CC2D1B: variants seen among roughly 807,000 people sequenced by gnomAD.
CC2D1B encodes the protein coiled-coil and C2 domain containing 1B.
A neutral mutation model predicts 110.8 loss-of-function variants in CC2D1B; 92 were observed. That is an observed-to-expected ratio of 0.83 (90% CI 0.70 to 0.99). The LOEUF (loss-of-function observed/expected upper bound fraction) is 0.99. Among genes scored for constraint, CC2D1B ranks in the 50% least tolerant of loss-of-function variants. CC2D1B has a pLI of 0.00. For missense variants in CC2D1B, 1,136 were observed against 1,089.0 expected (o/e 1.04, Z -0.61); for synonymous variants, 406 against 429.2 (o/e 0.95, Z 0.67).
chr1:52,353,418 T>C, intron 24 of CC2D1B, 100 bp downstream of exon 24: 2 of 1,523,582 alleles, frequency 1.3e-6, no homozygotes, highest in South Asian at 1.3e-5. Flanking sequence ...GTCTTTCTCA[T>C]AGATGAGAAA....
chr1:52,355,440 G>A lies in CC2D1B; in HGVS notation c.2197C>T (p.Gln733Ter). 1 of 1,614,120 alleles carries A rather than the reference G, an allele frequency of 6.2e-7. No homozygotes were observed. Among genetic ancestry groups the A allele is most frequent in the Non-Finnish European group, 8.5e-7 (1 of 1,180,012 alleles). Reference sequence around the variant, plus strand: ...TTCACCACAGCTGTTTTGCTTTTTTGAGCCTGGTCCTAAGCAGTGAGGAGG... The same window carrying A: ...TTCACCACAGCTGTTTTGCTTTTTTAAGCCTGGTCCTAAGCAGTGAGGAGG... ...EFHYPNSDQAQKSKTAVVKNT... is the reference protein window; with the variant it reads ...EFHYPNSDQA The change falls in exon 21 of 25, where the codon CAA becomes TAA. Residue 733 changes from glutamine (Q) to a stop codon, truncating the protein, a stop_gained. Coordinates refer to ENST00000284376, the MANE Select transcript of CC2D1B (RefSeq NM_001330585.2). LOFTEE classifies it high-confidence loss of function.
chr1:52,358,664 C>A (rs1264726887), intron 12 of CC2D1B, 22 bp downstream of exon 12: 1 of 1,611,486 alleles, frequency 6.2e-7, no homozygotes, highest in South Asian at 1.1e-5. Context: ...CTCACAGAGC[C>A]CCTAGGCCAT....
At chr1:52,360,382 C>T (rs1187232019) in intron 6 of CC2D1B, 42 bp downstream of exon 6, 5 of 1,604,314 alleles carry the variant, frequency 3.1e-6, no homozygotes, top group Non-Finnish European at 3.4e-6. Context: ...GCCTTTCATG[C>T]AGCCCCCTCC....
At position 52,364,571 on chromosome 1, in the gene CC2D1B, C is replaced by G. The variant is rs1249694243; in HGVS notation, c.50G>C (p.Gly17Ala). ...PRKGPQARGQ[G>A]VAAAKQMGLF... ...CCATACCTGCTTGGCAGCGGCCACC[C>G]CTTGGCCTCTGGCCTGAGGGCCCTT... Residue 17 changes from glycine to alanine, a missense_variant, in exon 2 of 25, where the codon GGG becomes GCG. By Grantham distance (60) the Gly-to-Ala change is moderately conservative. Coordinates refer to ENST00000284376, the MANE Select transcript of CC2D1B (RefSeq NM_001330585.2). 2 of 1,606,324 alleles carry G rather than the reference C, an allele frequency of 1.2e-6. No homozygotes were observed.
Position 52,352,996 on chromosome 1 carries a change from A to AGAC in CC2D1B, c.*226_*228dup, listed in dbSNP as rs1207232318. Reference sequence around the variant, plus strand: ...CCTCTTCCAGACTCGGGGCAGGGGGAGACAGCGGGGAGATGGGCTCCTGGA... The same window carrying AGAC: ...CCTCTTCCAGACTCGGGGCAGGGGGAGACGACAGCGGGGAGATGGGCTCCTGGA... On this transcript the variant is annotated 3_prime_UTR_variant, in exon 25 of 25. Coordinates refer to ENST00000284376, the MANE Select transcript of CC2D1B (RefSeq NM_001330585.2). 1 of 380,912 alleles carries AGAC rather than the reference A, an allele frequency of 2.6e-6. No individual in the cohort carries two copies. Among genetic ancestry groups the AGAC allele is most frequent in the African/African-American group, 2.1e-5 (1 of 46,864 alleles). 23.6% of individuals were successfully genotyped at this position (380,912 alleles called of 1,614,324 possible). A position where few individuals can be genotyped will look rare whatever the true frequency, so the allele number is the denominator to read the frequency against.
chr1:52,362,253 G>A (rs1646796354), intron 3 of CC2D1B, among the ~76,000 whole-genome samples: 1 of 152,200 alleles, frequency 6.6e-6, no homozygotes, highest in Admixed American at 6.5e-5. Context: ...GGCTGTGGAG[G>A]GAGATTCCAC....
chr1:52,354,839 C>T lies in CC2D1B; in HGVS notation c.2339+1G>A. 1.2e-6 allele frequency: 2 copies of T among 1,613,966 alleles called. No homozygotes were observed. The highest frequency in any genetic ancestry group is 1.7e-6 in the Non-Finnish European group (2 of 1,179,782). On this transcript the variant is annotated splice_donor_variant, in intron 22 of 24. Transcript: ENST00000284376. LOFTEE classifies it high-confidence loss of function. Reference sequence around the variant, plus strand: ...GGCAGCATGACCGATAGGAGCCTCACCCTTTGTGGAAGATCTCAAACTTGA... The same window carrying T: ...GGCAGCATGACCGATAGGAGCCTCATCCTTTGTGGAAGATCTCAAACTTGA...
chr1:52,358,424 A>G lies in CC2D1B; in HGVS notation c.1368T>C (p.Gly456=). ...TCGCTGCCACTGCGTCCTCCTCAAC[A>G]CCCATAGTGGACTCCAGGCCAGGGA... ...PPIPGLESTM[G]VEEDAVAATL... Residue 456 remains glycine, a synonymous_variant, in exon 13 of 25, where the codon GGT becomes GGC. Coordinates refer to ENST00000284376, the MANE Select transcript of CC2D1B (RefSeq NM_001330585.2). 6.2e-7 allele frequency: 1 copy of G among 1,613,496 alleles called. No individual in the cohort carries two copies. The highest frequency in any genetic ancestry group is 1.3e-5 in the African/African-American group (1 of 74,802).
chr1:52,354,948 G>C lies in CC2D1B; in HGVS notation c.2240-9C>G. 1 of 1,610,210 alleles carries C rather than the reference G, an allele frequency of 6.2e-7. No individual in the cohort carries two copies. Reference sequence around the variant, plus strand: ...GAAGAGTTGATCAAATTCTGGCAAAGGGGGAGAAAGCAAGGAGGGGCTTGG... The same window carrying C: ...GAAGAGTTGATCAAATTCTGGCAAACGGGGAGAAAGCAAGGAGGGGCTTGG... On this transcript the variant is annotated splice_polypyrimidine_tract_variant and intron_variant, in intron 21 of 24. Transcript: ENST00000284376.
rs3838980 is a variant in CC2D1B, at chr1:52,353,300, A to AAGATAGAT, written c.*2-85_*2-78dup. 17 of 1,477,446 alleles carry AAGATAGAT rather than the reference A, an allele frequency of 1.2e-5. No homozygotes were observed. The African/African-American group carries it at 1.3e-4, about 11-fold the overall frequency. The allele number at this position is 1,477,446 out of a possible 1,614,324, so 91.5% of individuals were successfully genotyped here. A position where few individuals can be genotyped will look rare whatever the true frequency, so the allele number is the denominator to read the frequency against. On this transcript the variant is annotated intron_variant, in intron 24 of 24. Transcript: ENST00000284376. ...CAAAGATTTTAGAAAGGGTTTCCTGAAGATAGATAGATAGATAGATAGTTA... is the reference window on the plus strand; with the variant it reads ...CAAAGATTTTAGAAAGGGTTTCCTGAAGATAGATAGATAGATAGATAGATAGATAGTTA...
chr1:52,365,708 T>TA (rs2147899543), intron 1 of CC2D1B, among the ~76,000 whole-genome samples: 1 of 151,668 alleles, frequency 6.6e-6, no homozygotes, highest in Non-Finnish European at 1.5e-5. Flanking sequence ...GCACAGAAGG[T>TA]AGGGGGAAAA....
At chr1:52,353,467 G>C (rs903671872) in intron 24 of CC2D1B, 51 bp downstream of exon 24, 8 of 1,566,362 alleles carry the variant, frequency 5.1e-6, no homozygotes, top group Non-Finnish European at 6.9e-6. Flanking sequence ...TGAGTAGTTA[G>C]TTGAGTAAAA....
At chr1:52,365,643 G>C (rs1646864984) in intron 1 of CC2D1B, among the ~76,000 whole-genome samples, 1 of 152,256 alleles carries the variant, frequency 6.6e-6, no homozygotes, top group Admixed American at 6.5e-5. Flanking sequence ...TGGGAAAGAA[G>C]TGGCGGGATC....
chr1:52,364,599 G>C lies in CC2D1B; in HGVS notation c.22C>G (p.Arg8Gly). 1 of 1,607,776 alleles carries C rather than the reference G, an allele frequency of 6.2e-7. No individual in the cohort carries two copies. The highest frequency in any genetic ancestry group is 8.5e-7 in the Non-Finnish European group (1 of 1,175,284). Residue 8 changes from arginine to glycine, a missense_variant, in exon 2 of 25, where the codon CGG (arginine) becomes GGG (glycine). By Grantham distance (125) the Arg-to-Gly change is moderately radical. Coordinates refer to ENST00000284376, the MANE Select transcript of CC2D1B (RefSeq NM_001330585.2). The stretch of plus-strand genomic sequence containing the variant: ...TGGCCTCTGGCCTGAGGGCCCTTCC[G>C]AGGTCTTGGCCCTGGCATCATGGCA... MMPGPRP[R>G]KGPQARGQGV...
intron 3 of CC2D1B, among the ~76,000 whole-genome samples, 191 bp from the exon 4 acceptor site, chr1:52,361,807 C>G (rs1458673122): frequency 5.9e-5 from 9 of 152,158 alleles, no homozygotes; most frequent in Non-Finnish European, 1.2e-4. Context: ...CTTGGCCCCC[C>G]ACCAAGCAAC....
chr1:52,353,189 C>T lies in CC2D1B; in HGVS notation c.*36G>A, dbSNP rs750095611. On this transcript the variant is annotated 3_prime_UTR_variant, in exon 25 of 25. Transcript: ENST00000284376. ...CTGGGAAAGTCATCTCCTGCACAGT[C>T]GCGGCCTGACTCCTCTCCTGGTGCT... 25 of 1,330,068 alleles carry T rather than the reference C, an allele frequency of 1.9e-5. 1 individual carries two copies. Among genetic ancestry groups the T allele is most frequent in the South Asian group, 1.6e-4 (13 of 81,256 alleles). 82.4% of individuals were successfully genotyped at this position (1,330,068 alleles called of 1,614,324 possible). A position where few individuals can be genotyped will look rare whatever the true frequency, so the allele number is the denominator to read the frequency against.
chr1:52,355,094 C>T, intron 21 of CC2D1B, 155 bp from the exon 22 acceptor site: 1 of 660,652 alleles, frequency 1.5e-6, no homozygotes, highest in South Asian at 1.8e-5. Flanking sequence ...CGGTCCTGGC[C>T]TTGGAAGTGA....
chr1:52,357,168 T>G (rs757472705), intron 15 of CC2D1B, 42 bp from the exon 16 acceptor site: 1 of 1,609,380 alleles, frequency 6.2e-7, no homozygotes, highest in South Asian at 1.1e-5. Flanking sequence ...AGAGTCAGAT[T>G]ACTCCTCTAC....
At chr1:52,358,061 G>T in intron 13 of CC2D1B, 163 bp from the exon 14 acceptor site, 2 of 1,098,772 alleles carry the variant, frequency 1.8e-6, no homozygotes, top group Non-Finnish European at 2.5e-6. Flanking sequence ...GCTAGAAGCA[G>T]CCTCAGAAGC....
Sources: gnomAD v4.1 joint callset for allele counts (sites outside exome capture counted in the v4.1 genomes callset) on GRCh38, gnomAD v4.1.1 for gene constraint, MANE v1.5 for transcripts, NCBI Gene and HGNC (gene_info 2026-07-23, HGNC 2026-07-21) for gene names.